The following RBFOX1 variants were observed in gnomAD, a reference collection of about 807,000 sequenced individuals.
The protein encoded by RBFOX1 is RNA binding fox-1 homolog 1, also known as RNA binding protein fox-1 homolog 1.
A neutral mutation model predicts 57.7 loss-of-function variants in RBFOX1; 8 were observed. The ratio of observed to expected loss-of-function variants is 0.14; its 90% CI spans 0.08 to 0.25. The LOEUF is 0.25. Among genes scored for constraint, RBFOX1 ranks in the 10% least tolerant of loss-of-function variants. The pLI is 1.00. For missense variants in RBFOX1, 611 were observed against 548.5 expected, an observed-to-expected ratio of 1.11 and a Z score of -1.14; for synonymous variants, 326 against 222.4, an observed-to-expected ratio of 1.47 and a Z score of -4.15.
At chr16:7,085,706 G>A (rs1182918786) in intron 4 of RBFOX1, among the ~76,000 whole-genome samples, 1 of 152,180 alleles carries the variant, frequency 6.6e-6, no homozygotes, top group African/African-American at 2.4e-5. Flanking sequence ...ATGTCCGGAG[G>A]TGATCTCTGT....
intron 2 of RBFOX1, among the ~76,000 whole-genome samples, chr16:6,590,804 A>T (rs2097699467): frequency 1.3e-5 from 2 of 151,910 alleles, no homozygotes; most frequent in Admixed American, 6.6e-5. Flanking sequence ...ATTTTGTTTC[A>T]TAATACATGG....
chr16:6,844,516 T>A (rs1259784486), intron 3 of RBFOX1, among the ~76,000 whole-genome samples: 1 of 152,230 alleles, frequency 6.6e-6, no homozygotes, highest in East Asian at 1.9e-4. Context: ...TATGACCTTA[T>A]TCTTTTTTAT....
chr16:6,799,933 C>A lies in RBFOX1; in HGVS notation c.-16+145283C>A, dbSNP rs111448090. Among the ~76,000 whole-genome samples, 307 of 152,232 alleles carry A rather than the reference C, an allele frequency of 2.0e-3. 2 individuals are homozygous for A. Among genetic ancestry groups the A allele is most frequent in the African/African-American group, 7.1e-3 (297 of 41,544 alleles). On this transcript the variant is annotated intron_variant, in intron 3 of 15. Coordinates refer to ENST00000550418, the MANE Select transcript of RBFOX1 (RefSeq NM_018723.4). Reference sequence around the variant, plus strand: ...AGTTTGCAGATGGCTTATAGTGAGACTTCGTCTTGTGATGATGTGAGTCAA... The same window carrying A: ...AGTTTGCAGATGGCTTATAGTGAGAATTCGTCTTGTGATGATGTGAGTCAA...
At chr16:5,512,745 ATAAC>A (rs763259634) in intron 2 of RBFOX1, among the ~76,000 whole-genome samples, 1 of 152,232 alleles carries the variant, frequency 6.6e-6, no homozygotes, top group Non-Finnish European at 1.5e-5. Flanking sequence ...CACGTTCGTC[ATAAC>A]TAACAGACCC....
intron 1 of RBFOX1, among the ~76,000 whole-genome samples, chr16:6,116,185 C>T (rs535875714): frequency 4.6e-5 from 7 of 151,616 alleles, no homozygotes; most frequent in African/African-American, 1.5e-4. Context: ...AACCGAACAC[C>T]GTATGTCCTC....
At chr16:7,653,678 C>T in intron 11 of RBFOX1, 137 bp from the exon 12 acceptor site, 4 of 1,292,224 alleles carry the variant, frequency 3.1e-6, no homozygotes, top group Non-Finnish European at 4.2e-6. Context: ...GCTTTTTAAC[C>T]TCTTGATTCC....
intron 3 of RBFOX1, among the ~76,000 whole-genome samples, chr16:6,921,713 T>C (rs1302160780): frequency 6.6e-6 from 1 of 151,810 alleles, no homozygotes; most frequent in Non-Finnish European, 1.5e-5. Flanking sequence ...TGGAAAGTTA[T>C]ACCGTGATAA....
chr16:6,708,981 T>TC (rs2063273966), intron 3 of RBFOX1, among the ~76,000 whole-genome samples: 1 of 73,228 alleles, frequency 1.4e-5, no homozygotes, highest in Non-Finnish European at 2.7e-5. Flanking sequence ...CAAGCTTTTC[T>TC]TTTTTTTTTA....
chr16:7,228,880 T>C (rs1465458220), intron 4 of RBFOX1, among the ~76,000 whole-genome samples: 1 of 152,204 alleles, frequency 6.6e-6, no homozygotes, highest in Non-Finnish European at 1.5e-5. Context: ...ATCCACAGCT[T>C]CACGTTATCT....
chr16:5,525,501 T>TTTTTA, intron 2 of RBFOX1, among the ~76,000 whole-genome samples: 1 of 143,328 alleles, frequency 7.0e-6, no homozygotes, highest in Admixed American at 7.0e-5. Flanking sequence ...ATTTTTTTTT[T>TTTTTA]TTTTTTTTTT....
chr16:6,775,329 C>CAAAAAA (rs371277644), intron 3 of RBFOX1, among the ~76,000 whole-genome samples: 1 of 67,330 alleles, frequency 1.5e-5, no homozygotes, highest in Non-Finnish European at 3.0e-5. Context: ...GACTCTGTCT[C>CAAAAAA]AAAAAAAAAA....
chr16:6,005,930 A>G (rs1187809578), intron 4 of RBFOX1, among the ~76,000 whole-genome samples: 1 of 152,202 alleles, frequency 6.6e-6, no homozygotes, highest in Admixed American at 6.5e-5. Context: ...TTAGAGACGA[A>G]TGTGTCATTC....
At chr16:6,127,050 G>T (rs1351581148) in intron 1 of RBFOX1, among the ~76,000 whole-genome samples, 2 of 152,178 alleles carry the variant, frequency 1.3e-5, no homozygotes, top group African/African-American at 4.8e-5. Flanking sequence ...GAGGGGGAAG[G>T]AATCAAGCTG....
chr16:7,074,075 C>T (rs1253516626), intron 4 of RBFOX1, among the ~76,000 whole-genome samples: 2 of 152,098 alleles, frequency 1.3e-5, no homozygotes, highest in African/African-American at 4.8e-5. Flanking sequence ...CAACGGAGAC[C>T]ATATGGCCCA....
At chr16:5,676,054 G>A (rs2050159668) in intron 3 of RBFOX1, among the ~76,000 whole-genome samples, 2 of 152,142 alleles carry the variant, frequency 1.3e-5, no homozygotes, top group Admixed American at 1.3e-4. Flanking sequence ...TGGACATGGT[G>A]ATCGGGAGGG....
intron 3 of RBFOX1, among the ~76,000 whole-genome samples, chr16:7,041,106 T>TTG (rs1456915549): frequency 1.4e-5 from 2 of 144,530 alleles, no homozygotes; most frequent in Non-Finnish European, 3.1e-5. Flanking sequence ...TTTTTTTTTT[T>TTG]TGTATTTTTA....
chr16:5,372,289 G>A (rs569479982), intron 1 of RBFOX1, among the ~76,000 whole-genome samples: 7 of 152,260 alleles, frequency 4.6e-5, no homozygotes, highest in South Asian at 4.1e-4. Flanking sequence ...GGGTGAGTCC[G>A]TCCACATGGG....
At chr16:5,755,966 A>G (rs2053379562) in intron 3 of RBFOX1, among the ~76,000 whole-genome samples, 3 of 152,182 alleles carry the variant, frequency 2.0e-5, no homozygotes, top group Non-Finnish European at 4.4e-5. Context: ...AGGAGCAGGC[A>G]GACATCACAG....
chr16:5,903,792 C>T lies in RBFOX1; in HGVS notation c.351+36457C>T, dbSNP rs74004699. Among the ~76,000 whole-genome samples, 713 of 152,214 alleles carry T rather than the reference C, an allele frequency of 4.7e-3. 7 individuals are homozygous for T. The highest frequency in any genetic ancestry group is 0.016 in the African/African-American group (653 of 41,532). On this transcript the variant is annotated intron_variant, in intron 4 of 19. Transcript: ENST00000641259. ...CTGACTTAGATGTTTCTGTGTGCCC[C>T]AGGAAGGATGCATCCCCCTGAATTG...
Sources: allele counts gnomAD v4.1 joint callset (sites outside exome capture counted in the v4.1 genomes callset), GRCh38; gene constraint gnomAD v4.1.1; transcripts MANE v1.5; gene names NCBI Gene and HGNC (gene_info 2026-07-23, HGNC 2026-07-21).